The following KBTBD2 variants were observed in gnomAD, a reference collection of about 807,000 sequenced individuals.
KBTBD2 encodes the protein kelch repeat and BTB domain-containing protein 2.
A neutral mutation model predicts 57.1 loss-of-function variants in KBTBD2; 17 were observed. The observed-to-expected ratio is 0.30, with a 90% CI of 0.20 to 0.45. KBTBD2 has a LOEUF of 0.45. Among genes scored for constraint, KBTBD2 ranks in the 20% least tolerant of loss-of-function variants. KBTBD2 has a pLI of 1.00. For synonymous variants in KBTBD2, 267 were observed against 262.7 expected (o/e 1.02, Z -0.16); for missense variants, 515 against 750.6 (o/e 0.69, Z 3.67).
At chr7:32,875,472 T>G (rs1362877619) in intron 2 of KBTBD2, among the ~76,000 whole-genome samples, 1 of 152,132 alleles carries the variant, frequency 6.6e-6, no homozygotes, top group Non-Finnish European at 1.5e-5. Context: ...GGCCTCCCTA[T>G]GTTGCCCAGG....
rs186622486 is a variant in KBTBD2, at chr7:32,874,195, C to T, written c.336+797G>A. Among the ~76,000 whole-genome samples, 1,133 of 151,964 alleles carry T rather than the reference C, an allele frequency of 7.5e-3. 18 individuals carry two copies. The highest frequency in any genetic ancestry group is 0.026 in the African/African-American group (1,078 of 41,448). ...TGGGTGGATCACGAGGTCAGGAGAT[C>T]GAGACCATTCTGGCTAACAACGGTG... On this transcript the variant is annotated intron_variant, in intron 3 of 3. Coordinates refer to ENST00000304056, the MANE Select transcript of KBTBD2 (RefSeq NM_015483.3).
At chr7:32,870,955 G>A (rs1284763725) in intron 3 of KBTBD2, 75 bp from the exon 4 acceptor site, 3 of 846,454 alleles carry the variant, frequency 3.5e-6, no homozygotes, top group Non-Finnish European at 5.3e-6. Flanking sequence ...TAAGACGTAA[G>A]TATATTAATC....
At position 32,869,432 on chromosome 7, in the gene KBTBD2, T is replaced by A. The variant is rs779345203; in HGVS notation, c.1785A>T (p.Pro595=). ...KLYPSCLEES[P]WKPPTYLFST... ...AAAAAAGATAAGTTGGTGGTTTCCA[T>A]GGAGACTCTTCAAGGCAGGATGGAT... The change falls in exon 4 of 4, where the codon CCA becomes CCT. Residue 595 remains proline, a synonymous_variant. Transcript: ENST00000304056. 2 of 1,614,138 alleles carry A rather than the reference T, an allele frequency of 1.2e-6. No individual in the cohort carries two copies. Among genetic ancestry groups the A allele is most frequent in the Non-Finnish European group, 1.7e-6 (2 of 1,179,994 alleles).
rs1030749971 is a variant in KBTBD2, at chr7:32,882,776, G to A, written c.-338-2834C>T. ...AGGTCGGTGGATCACTTGAGGTCAGGAGTTCAAGACCAGCCTGGCCAACAT... is the reference window on the plus strand; with the variant it reads ...AGGTCGGTGGATCACTTGAGGTCAGAAGTTCAAGACCAGCCTGGCCAACAT... On this transcript the variant is annotated intron_variant, in intron 1 of 3. Transcript: ENST00000304056. Among the ~76,000 whole-genome samples, 34 of 150,654 alleles carry A rather than the reference G, an allele frequency of 2.3e-4. 2 individuals carry two copies. Among genetic ancestry groups the A allele is most frequent in the Admixed American group, 2.0e-4 (3 of 15,146 alleles).
Position 32,870,639 on chromosome 7 carries a change from G to GT in KBTBD2, c.577dup (p.Thr193AsnfsTer13), listed in dbSNP as rs1341089565. 1.2e-6 allele frequency: 2 copies of GT among 1,613,928 alleles called. No homozygotes were observed. The highest frequency in any genetic ancestry group is 1.7e-6 in the Non-Finnish European group (2 of 1,180,010). ...CCACAGCATAGCAGCTTCTCGAACG[G>GT]TTTCTTCCTTTTCTACATTTAAATT... On this transcript the variant is annotated frameshift_variant, in exon 4 of 4. Coordinates refer to ENST00000304056, the MANE Select transcript of KBTBD2 (RefSeq NM_015483.3). LOFTEE classifies it high-confidence loss of function.
chr7:32,877,039 G>A (rs1677554107), intron 2 of KBTBD2, among the ~76,000 whole-genome samples: 1 of 111,670 alleles, frequency 9.0e-6, no homozygotes, highest in African/African-American at 5.0e-5. Context: ...CTTTTTTTGA[G>A]ACAGAGTCTC....
Position 32,869,350 on chromosome 7 carries a change from C to A in KBTBD2, c.1867G>T (p.Val623Leu). 1 of 1,604,362 alleles carries A rather than the reference C, an allele frequency of 6.2e-7. No individual in the cohort carries two copies. The highest frequency in any genetic ancestry group is 8.5e-7 in the Non-Finnish European group (1 of 1,173,980). The change falls in exon 4 of 4, where the codon GTA (valine) becomes TTA (leucine). Residue 623 changes from valine to leucine, a missense_variant. Transcript: ENST00000304056. ...LDGEMVALPP[V>L] ...GCACTCCCTGAACTTCCCCACTATA[C>A]AGGTGGTAGTGCAACCATTTCTCCA...
Position 32,868,766 on chromosome 7 carries a change from A to G in KBTBD2, c.*579T>C, listed in dbSNP as rs919306735. ...GTATAAGTTAGTGAAAAGAGAATAC[A>G]TGCACCTAATAGTATAGTTAGACTG... is the stretch of plus-strand genomic sequence containing the variant. On this transcript the variant is annotated 3_prime_UTR_variant, in exon 4 of 4. Coordinates refer to ENST00000304056, the MANE Select transcript of KBTBD2 (RefSeq NM_015483.3). 4.6e-5 allele frequency: 7 copies of G among 152,758 alleles called. No homozygotes were observed. Among genetic ancestry groups the G allele is most frequent in the African/African-American group, 1.4e-4 (6 of 41,460 alleles). 9.5% of individuals were successfully genotyped at this position (152,758 alleles called of 1,614,324 possible).
chr7:32,877,114 G>A (rs1226868597), intron 2 of KBTBD2, among the ~76,000 whole-genome samples: 1 of 151,992 alleles, frequency 6.6e-6, no homozygotes, highest in Non-Finnish European at 1.5e-5. Context: ...CAACTCCCAG[G>A]TTCAAGCGAT....
intron 2 of KBTBD2, among the ~76,000 whole-genome samples, chr7:32,876,444 G>C (rs1439072704): frequency 2.0e-5 from 3 of 152,200 alleles, no homozygotes; most frequent in Non-Finnish European, 4.4e-5. Context: ...AATGAGACAA[G>C]AGAGTCTGAG....
intron 1 of KBTBD2, chr7:32,890,928 A>T (rs1784717741): frequency 6.6e-6 from 1 of 152,172 alleles, no homozygotes; most frequent in African/African-American, 2.4e-5. Context: ...AGGGAGAAGG[A>T]GGTGGTCGAA....
At chr7:32,885,007 T>C (rs1459940647) in intron 1 of KBTBD2, among the ~76,000 whole-genome samples, 3 of 137,782 alleles carry the variant, frequency 2.2e-5, no homozygotes, top group African/African-American at 7.9e-5. Context: ...TATGTGTATA[T>C]ATATATATAT....
intron 1 of KBTBD2, among the ~76,000 whole-genome samples, chr7:32,887,939 C>CACT (rs4000134): frequency 0.98 from 149,854 of 152,256 alleles, 73,786 homozygotes; most frequent in East Asian, 1. Context: ...TGACACACAG[C>CACT]ACTACACAGA....
chr7:32,882,310 A>C (rs924684120), intron 1 of KBTBD2, among the ~76,000 whole-genome samples: 4 of 152,198 alleles, frequency 2.6e-5, no homozygotes, highest in African/African-American at 9.7e-5. Flanking sequence ...GCCAAGACAG[A>C]CTTAAATCAT....
In KBTBD2 at chr7:32,879,732, C is replaced by CT. The variant is rs1269055314; in HGVS notation, c.-129dup. On this transcript the variant is annotated 5_prime_UTR_variant, in exon 2 of 4. An upstream open reading frame in the 5' UTR loses its in-frame stop. Transcript: ENST00000304056. ...TTATCTGCAGCATTCAGTACCAAGA[C>CT]TGACACATTCACTAATGAGTAATAT... 3 of 690,034 alleles carry CT rather than the reference C, an allele frequency of 4.3e-6. No homozygotes were observed. The highest frequency in any genetic ancestry group is 1.8e-5 in the African/African-American group (1 of 55,222). 42.7% of individuals were successfully genotyped at this position (690,034 alleles called of 1,614,324 possible).
intron 1 of KBTBD2, among the ~76,000 whole-genome samples, chr7:32,884,943 ATT>A (rs1403379713): frequency 9.7e-5 from 14 of 144,070 alleles, no homozygotes; most frequent in African/African-American, 3.8e-4. Context: ...AAAAATTTAT[ATT>A]TCTTTTATAT....
Position 32,879,503 on chromosome 7 carries a change from C to T in KBTBD2, c.102G>A (p.Val34=), listed in dbSNP as rs1334309090. ...FYEQQLFTDI[V]LIVEGTEFPC... ...GGAATTCAGTGCCCTCAACAATTAACACTATGTCAGTAAACAACTGCTGTT... is the reference window on the plus strand; with the variant it reads ...GGAATTCAGTGCCCTCAACAATTAATACTATGTCAGTAAACAACTGCTGTT... Residue 34 remains valine, a synonymous_variant, in exon 2 of 4, where the codon GTG becomes GTA. Transcript: ENST00000304056. The T allele has an allele frequency of 1.2e-6, 2 of 1,613,320 alleles. No homozygotes were observed. Among genetic ancestry groups the T allele is most frequent in the East Asian group, 2.2e-5 (1 of 44,822 alleles).
At chr7:32,888,181 A>T (rs1035183974) in intron 1 of KBTBD2, among the ~76,000 whole-genome samples, 84 of 152,350 alleles carry the variant, frequency 5.5e-4, no homozygotes, top group Non-Finnish European at 1.1e-3. Context: ...TGAAATCTGA[A>T]TTCAGTGTTC....
chr7:32,878,805 C>T lies in KBTBD2; in HGVS notation c.170+630G>A, dbSNP rs552181710. Among the ~76,000 whole-genome samples the T allele has an allele frequency of 2.6e-5, 4 of 152,100 alleles. No individual in the cohort carries two copies. The East Asian group carries it at 7.7e-4, about 29-fold the overall frequency. On this transcript the variant is annotated intron_variant, in intron 2 of 3. Transcript: ENST00000304056. ...TCTATTCTGCTCAGGAAACGTACAA[C>T]AAAGACGCAAAAGATCATAAAAATG...
Sources: allele counts gnomAD v4.1 joint callset (sites outside exome capture counted in the v4.1 genomes callset), GRCh38; gene constraint gnomAD v4.1.1; transcripts MANE v1.5; gene names NCBI Gene and HGNC (gene_info 2026-07-23, HGNC 2026-07-21).